The following LCA5 variants were observed in gnomAD, a reference collection of about 807,000 sequenced individuals.
LCA5 encodes the protein lebercilin LCA5, also known as lebercilin.
Under a neutral mutation model 53.0 loss-of-function variants are expected in LCA5, and 37 were observed. That is an observed-to-expected ratio of 0.70 (90% CI 0.54 to 0.92). LCA5 has a LOEUF of 0.92. LCA5 is among the 40% of genes least tolerant of loss of function. The pLI, the probability that LCA5 is intolerant of heterozygous loss-of-function variation, is 0.00. For synonymous variants in LCA5, 303 were observed against 282.9 expected, an observed-to-expected ratio of 1.07 and a Z score of -0.71; for missense variants, 806 against 790.5, an observed-to-expected ratio of 1.02 and a Z score of -0.23.
At chr6:79,507,990 A>G (rs1296636623) in intron 3 of LCA5, among the ~76,000 whole-genome samples, 1 of 152,154 alleles carries the variant, frequency 6.6e-6, no homozygotes, top group African/African-American at 2.4e-5. Context: ...GTTAATAGGT[A>G]TCCCATGTGA....
intron 3 of LCA5, among the ~76,000 whole-genome samples, chr6:79,511,842 CAGTCATATAATTT>C (rs770389693): frequency 7.5e-4 from 114 of 152,214 alleles, no homozygotes; most frequent in Non-Finnish European, 1.3e-3. Context: ...CCCAAGTGAG[CAGTCATATAATTT>C]ACCTCCACGT....
At chr6:79,535,099 A>T (rs184824543) in intron 1 of LCA5, among the ~76,000 whole-genome samples, 1 of 152,328 alleles carries the variant, frequency 6.6e-6, no homozygotes, top group Admixed American at 6.5e-5. Flanking sequence ...CCTGTATTTT[A>T]TTGTGTGTCT....
chr6:79,492,723 T>C, intron 4 of LCA5, 76 bp from the exon 5 acceptor site: 4 of 765,996 alleles, frequency 5.2e-6, no homozygotes, highest in Non-Finnish European at 8.9e-6. Context: ...CTTTGTCATC[T>C]GGTATTTTCT....
At chr6:79,497,618 G>C (rs1770016863) in intron 3 of LCA5, among the ~76,000 whole-genome samples, 1 of 152,284 alleles carries the variant, frequency 6.6e-6, no homozygotes, top group Non-Finnish European at 1.5e-5. Context: ...GGCTAGAAAG[G>C]TGGACAATTC....
chr6:79,488,422 A>C (rs1416780547), intron 7 of LCA5: 1 of 153,526 alleles, frequency 6.5e-6, no homozygotes, highest in Non-Finnish European at 1.4e-5. Flanking sequence ...ATATGTAACA[A>C]AAATCTCTAG....
chr6:79,489,324 A>G, intron 6 of LCA5, 108 bp from the exon 7 acceptor site: 1 of 1,158,686 alleles, frequency 8.6e-7, no homozygotes, highest in South Asian at 1.4e-5. Flanking sequence ...TTAAAAATTA[A>G]TACAAATTTT....
intron 1 of LCA5, among the ~76,000 whole-genome samples, chr6:79,530,446 C>A (rs1175885472): frequency 6.6e-6 from 1 of 152,040 alleles, no homozygotes; most frequent in Non-Finnish European, 1.5e-5. Flanking sequence ...ATCTGTACAA[C>A]AAACCCCCAT....
At chr6:79,490,887 G>T (rs576132338) in intron 6 of LCA5, among the ~76,000 whole-genome samples, 1 of 151,956 alleles carries the variant, frequency 6.6e-6, no homozygotes, top group African/African-American at 2.4e-5. Context: ...CTTAGAGAAA[G>T]AGACTTTCCA....
Position 79,537,394 on chromosome 6 carries a change from C to T in LCA5, c.-421G>A, listed in dbSNP as rs2127694459. ...GGCTCCTGGGTGGCAGCGGCGGTAA[C>T]CTGGGCTCCAGGGTAACGGAGGCGG... On this transcript the variant is annotated 5_prime_UTR_variant, in exon 1 of 8. Transcript: ENST00000369846. 1 of 152,870 alleles carries T rather than the reference C, an allele frequency of 6.5e-6. No individual in the cohort carries two copies. The highest frequency in any genetic ancestry group is 1.9e-4 in the East Asian group (1 of 5,198). The allele number at this position is 152,870 out of a possible 1,614,324, so 9.5% of individuals were successfully genotyped here.
intron 2 of LCA5, 78 bp downstream of exon 2, chr6:79,518,627 G>T: frequency 1.6e-6 from 2 of 1,282,374 alleles, no homozygotes; most frequent in Non-Finnish European, 2.3e-6. Flanking sequence ...TAATAAAAGA[G>T]TATCATGCAC....
chr6:79,512,809 CA>C (rs1341265944), intron 3 of LCA5, among the ~76,000 whole-genome samples: 1 of 151,918 alleles, frequency 6.6e-6, no homozygotes, highest in African/African-American at 2.4e-5. Flanking sequence ...ATTCCATGTC[CA>C]AAAAGATGTA....
chr6:79,515,698 T>C lies in LCA5; in HGVS notation c.191-1957A>G, dbSNP rs111778226. 1.4e-3 allele frequency among the ~76,000 whole-genome samples: 213 copies of C among 152,166 alleles called. 6 individuals carry two copies. The highest frequency in any genetic ancestry group is 4.9e-3 in the African/African-American group (205 of 41,556). On this transcript the variant is annotated intron_variant, in intron 2 of 7. Transcript: ENST00000369846. ...CTTTCCTTCCCCATTTCATCAGCCA[T>C]GGATACTTGATTCCATTATGTAAAC... is the stretch of plus-strand genomic sequence containing the variant.
chr6:79,488,751 T>A (rs1219730091), intron 7 of LCA5: 1 of 424,140 alleles, frequency 2.4e-6, no homozygotes, highest in African/African-American at 2.1e-5. Flanking sequence ...ATGAAAAAAT[T>A]AAAAATTTTA....
At chr6:79,532,224 T>C (rs1239037454) in intron 1 of LCA5, among the ~76,000 whole-genome samples, 1 of 152,306 alleles carries the variant, frequency 6.6e-6, no homozygotes, top group East Asian at 1.9e-4. Flanking sequence ...CATTTCTTAC[T>C]GTCCACAGTG....
At chr6:79,495,157 G>T (rs1249463586) in intron 3 of LCA5, among the ~76,000 whole-genome samples, 1 of 152,178 alleles carries the variant, frequency 6.6e-6, no homozygotes, top group Non-Finnish European at 1.5e-5. Context: ...ACCCTATTGT[G>T]AACTGTGCCT....
At chr6:79,526,448 G>A (rs895214139) in intron 1 of LCA5, among the ~76,000 whole-genome samples, 2 of 152,142 alleles carry the variant, frequency 1.3e-5, no homozygotes, top group African/African-American at 4.8e-5. Context: ...GGAGGCTGAG[G>A]CAGGAGAATG....
chr6:79,499,691 AATTTT>A (rs1469194815), intron 3 of LCA5, among the ~76,000 whole-genome samples: 2 of 151,256 alleles, frequency 1.3e-5, no homozygotes, highest in Non-Finnish European at 2.9e-5. Context: ...CTTTTTTTTA[AATTTT>A]ATTTTATTAT....
chr6:79,491,761 T>A (rs751425797), intron 5 of LCA5, 31 bp from the exon 6 acceptor site: 1 of 1,593,384 alleles, frequency 6.3e-7, no homozygotes, highest in South Asian at 1.1e-5. Context: ...AAAAAATTAT[T>A]ACAATGAATA....
intron 3 of LCA5, among the ~76,000 whole-genome samples, chr6:79,500,969 C>G (rs1009212391): frequency 1.3e-5 from 2 of 152,040 alleles, no homozygotes; most frequent in African/African-American, 4.8e-5. Flanking sequence ...TGTGATCTGA[C>G]CAATAAAATT....
Sources: gnomAD v4.1 joint callset for allele counts (sites outside exome capture counted in the v4.1 genomes callset) on GRCh38, gnomAD v4.1.1 for gene constraint, MANE v1.5 for transcripts, NCBI Gene and HGNC (gene_info 2026-07-23, HGNC 2026-07-21) for gene names.